UGT2A2: variants seen among roughly 807,000 people sequenced by gnomAD.
The protein encoded by UGT2A2 is UDP-glucuronosyltransferase 2A2.
In UGT2A2, 60 loss-of-function variants were observed where a neutral mutation model predicts 50.7. The ratio of observed to expected loss-of-function variants is 1.18; its 90% CI spans 0.96 to 1.47. The LOEUF (loss-of-function observed/expected upper bound fraction) is 1.47, where lower values mean the gene tolerates loss of function less well. Among genes scored for constraint, UGT2A2 ranks in the 40% most tolerant of loss-of-function variants. The pLI is 0.00. For synonymous variants in UGT2A2, 242 were observed against 214.6 expected (o/e 1.13, Z -1.11); for missense variants, 762 against 634.0 (o/e 1.20, Z -2.17).
At chr4:69,637,439 G>A (rs1721774108) in intron 1 of UGT2A2, among the ~76,000 whole-genome samples, 1 of 152,108 alleles carries the variant, frequency 6.6e-6, no homozygotes, top group Non-Finnish European at 1.5e-5. Flanking sequence ...GTAAGATCAA[G>A]TTAGTTTATG....
At chr4:69,595,135 A>G (rs780176072) in intron 4 of UGT2A2, 27 bp downstream of exon 4, 9 of 1,612,980 alleles carry the variant, frequency 5.6e-6, no homozygotes, top group Middle Eastern at 3.3e-4. Context: ...GTCCCACTGT[A>G]CAGCTTTTCT....
rs541747348 is a variant in UGT2A2, at chr4:69,598,258, ACT to A, written c.891+986_891+987del. 2.6e-3 allele frequency among the ~76,000 whole-genome samples: 393 copies of A among 152,274 alleles called. 1 individual carries two copies. Among genetic ancestry groups the A allele is most frequent in the African/African-American group, 9.0e-3 (374 of 41,568 alleles). On this transcript the variant is annotated intron_variant, in intron 2 of 5. Transcript: ENST00000604629. ...CTGTTACTATAAACAGAAATTTAGT[ACT>A]CTTATAGGAACCTGCAACTTTCTAA...
rs566080525 is a variant in UGT2A2 at position 69,610,998 on chromosome 4, C to T, written c.743-11604G>A. Among the ~76,000 whole-genome samples the T allele has an allele frequency of 6.6e-5, 10 of 152,108 alleles. No individual in the cohort carries two copies. The South Asian group carries it at 2.1e-3, about 32-fold the overall frequency. On this transcript the variant is annotated intron_variant, in intron 1 of 5. Transcript: ENST00000604629. ...GATAATAGTTGGAGTGGAAGTCTAC[C>T]TCAGTTCATGGATTTAGATGAAAGC... is the stretch of plus-strand genomic sequence containing the variant.
intron 1 of UGT2A2, among the ~76,000 whole-genome samples, chr4:69,599,932 C>T (rs1377345663): frequency 6.6e-6 from 1 of 152,110 alleles, no homozygotes; most frequent in Admixed American, 6.6e-5. Context: ...AAGTTTCTTC[C>T]CCAGGACAGC....
intron 3 of UGT2A2, 30 bp downstream of exon 3, chr4:69,596,220 C>T: frequency 1.4e-6 from 2 of 1,471,274 alleles, no homozygotes; most frequent in Non-Finnish European, 1.8e-6. Context: ...TAGTAAAAAG[C>T]TGTGTACCAG....
chr4:69,608,478 A>T (rs1719818916), intron 1 of UGT2A2, among the ~76,000 whole-genome samples: 1 of 152,006 alleles, frequency 6.6e-6, no homozygotes, highest in South Asian at 2.1e-4. Flanking sequence ...TTAAATGATG[A>T]GTTAATGGAT....
intron 1 of UGT2A2, among the ~76,000 whole-genome samples, chr4:69,614,151 C>T (rs1720234938): frequency 6.7e-6 from 1 of 148,818 alleles, no homozygotes; most frequent in African/African-American, 2.5e-5. Context: ...AATCAACATA[C>T]AAATATCAGT....
In UGT2A2 at chr4:69,589,452, C is replaced by T. The variant is rs750328978; in HGVS notation, c.1531G>A (p.Ala511Thr). The T allele has an allele frequency of 6.8e-6, 11 of 1,613,912 alleles. No homozygotes were observed. The South Asian group carries it at 1.1e-4, about 16-fold the overall frequency. The change falls in exon 6 of 6, where the codon GCT (alanine) becomes ACT (threonine). Residue 511 changes from alanine (A) to threonine (T), a missense_variant. Transcript: ENST00000604629. ...IGFLLVCVTT[A>T]IFLVIQCCLF... Reference sequence around the variant, plus strand: ...CAACATTGTATGACCAAAAATATAGCCGTTGTCACACAGACCAGCAAGAAC... The same window carrying T: ...CAACATTGTATGACCAAAAATATAGTCGTTGTCACACAGACCAGCAAGAAC...
Position 69,639,039 on chromosome 4 carries a change from T to C in UGT2A2, c.602A>G (p.Tyr201Cys), listed in dbSNP as rs570367649. 4.3e-6 allele frequency: 7 copies of C among 1,613,270 alleles called. No individual in the cohort carries two copies. Among genetic ancestry groups the C allele is most frequent in the East Asian group, 2.2e-5 (1 of 44,874 alleles). ...HCGKIPAPVS[Y>C]VPAALSELTD... ...GAGCTCTGATAAGGCTGCCGGTACATAGGAGACTGGTGCTGGGATTTTCCC... is the reference window on the plus strand; with the variant it reads ...GAGCTCTGATAAGGCTGCCGGTACACAGGAGACTGGTGCTGGGATTTTCCC... The change falls in exon 1 of 6, where the codon TAT (tyrosine) becomes TGT (cysteine). Residue 201 changes from tyrosine to cysteine, a missense_variant. By Grantham distance (194) the Tyr-to-Cys change is radical. Coordinates refer to ENST00000604629, the MANE Select transcript of UGT2A2 (RefSeq NM_001105677.2).
intron 1 of UGT2A2, among the ~76,000 whole-genome samples, chr4:69,611,188 C>G (rs891139768): frequency 6.6e-6 from 1 of 151,566 alleles, no homozygotes; most frequent in Admixed American, 6.6e-5. Context: ...CTCTGTCACT[C>G]AAGCTGGAGT....
At chr4:69,630,470 T>C (rs1041135691) in intron 1 of UGT2A2, among the ~76,000 whole-genome samples, 1 of 152,122 alleles carries the variant, frequency 6.6e-6, no homozygotes, top group Non-Finnish European at 1.5e-5. Context: ...CTATTCCCTC[T>C]CCTTTTAACC....
At chr4:69,635,647 T>C (rs956770697) in intron 1 of UGT2A2, 12 of 207,144 alleles carry the variant, frequency 5.8e-5, no homozygotes, top group Admixed American at 2.4e-4. Flanking sequence ...CTCGCCAACA[T>C]GGTGAAACCT....
chr4:69,622,062 G>T (rs1407903744), intron 1 of UGT2A2, among the ~76,000 whole-genome samples: 1 of 151,740 alleles, frequency 6.6e-6, no homozygotes, highest in East Asian at 1.9e-4. Context: ...TGAGTACTAG[G>T]CTTAATACCT....
chr4:69,600,445 G>A (rs975723952), intron 1 of UGT2A2, among the ~76,000 whole-genome samples: 1 of 152,142 alleles, frequency 6.6e-6, no homozygotes, highest in Non-Finnish European at 1.5e-5. Context: ...TTTGAGTGGG[G>A]ACAAACTCCC....
chr4:69,592,862 A>G (rs2109876297), intron 5 of UGT2A2, among the ~76,000 whole-genome samples: 1 of 152,240 alleles, frequency 6.6e-6, no homozygotes, highest in Admixed American at 6.5e-5. Flanking sequence ...TCTTAGATTA[A>G]CATTGTTGTA....
At chr4:69,600,312 C>A (rs1034396245) in intron 1 of UGT2A2, among the ~76,000 whole-genome samples, 2 of 152,180 alleles carry the variant, frequency 1.3e-5, no homozygotes, top group Non-Finnish European at 2.9e-5. Flanking sequence ...TCCCAGACTC[C>A]AGCAGGGACA....
chr4:69,605,597 A>T (rs1719559617), intron 1 of UGT2A2, among the ~76,000 whole-genome samples: 1 of 136,774 alleles, frequency 7.3e-6, no homozygotes, highest in African/African-American at 3.0e-5. Context: ...GGAAATAGAG[A>T]CACAAAAAAC....
At chr4:69,594,035 C>T (rs1274313081) in intron 5 of UGT2A2, among the ~76,000 whole-genome samples, 2 of 138,616 alleles carry the variant, frequency 1.4e-5, no homozygotes, top group African/African-American at 5.4e-5. Flanking sequence ...AGTGCAGTGG[C>T]ACAATCTTGG....
chr4:69,606,002 G>C lies in UGT2A2; in HGVS notation c.743-6608C>G, dbSNP rs1349997689. On this transcript the variant is annotated intron_variant, in intron 1 of 5. Transcript: ENST00000604629. ...TGAATTCTACCAGAAGTACAAGGAG[G>C]AGCTGGTACCATTCCTTCTGAAACT... 3.7e-5 allele frequency among the ~76,000 whole-genome samples: 5 copies of C among 136,368 alleles called. 1 individual carries two copies. Among genetic ancestry groups the C allele is most frequent in the Admixed American group, 3.6e-4 (5 of 13,874 alleles). 89.5% of individuals were successfully genotyped at this position (136,368 alleles called of 152,430 possible). A position where few individuals can be genotyped will look rare whatever the true frequency, so the allele number is the denominator to read the frequency against.
Sources: gnomAD v4.1 joint callset for allele counts (sites outside exome capture counted in the v4.1 genomes callset) on GRCh38, gnomAD v4.1.1 for gene constraint, MANE v1.5 for transcripts, NCBI Gene and HGNC (gene_info 2026-07-23, HGNC 2026-07-21) for gene names.